The following LCOR variants were observed in gnomAD, a reference collection of about 807,000 sequenced individuals.
LCOR encodes ligand-dependent corepressor.
A neutral mutation model predicts 64.4 loss-of-function variants in LCOR; 14 were observed. The observed-to-expected ratio is 0.22, with a 90% CI of 0.14 to 0.34. The LOEUF is 0.34. LCOR is among the 10% of genes least tolerant of loss of function. LCOR has a pLI of 1.00. For missense variants in LCOR, 1,686 were observed against 1,765.3 expected, an observed-to-expected ratio of 0.96 and a Z score of 0.80; for synonymous variants, 643 against 642.5, an observed-to-expected ratio of 1.00 and a Z score of -0.01.
At chr10:96,860,752 C>T (rs1845875059) in intron 2 of LCOR, among the ~76,000 whole-genome samples, 1 of 152,166 alleles carries the variant, frequency 6.6e-6, no homozygotes, top group Non-Finnish European at 1.5e-5. Context: ...ATTTATGGAA[C>T]TTTACATTTT....
chr10:96,942,630 T>C (rs139281290), intron 4 of LCOR, among the ~76,000 whole-genome samples: 149 of 152,322 alleles, frequency 9.8e-4, no homozygotes, highest in Non-Finnish European at 1.7e-3. Flanking sequence ...TTACAATATA[T>C]AATCCATGCT....
At chr10:96,858,112 A>G (rs1845834345) in intron 2 of LCOR, among the ~76,000 whole-genome samples, 2 of 152,186 alleles carry the variant, frequency 1.3e-5, no homozygotes, top group Non-Finnish European at 2.9e-5. Context: ...TGATTTTTAA[A>G]AGGTTAAGTG....
At chr10:96,892,575 G>A (rs1846464589) in intron 2 of LCOR, among the ~76,000 whole-genome samples, 1 of 151,930 alleles carries the variant, frequency 6.6e-6, no homozygotes, top group Non-Finnish European at 1.5e-5. Flanking sequence ...TTTTATAAGG[G>A]CACTAATCCC....
At chr10:96,842,482 G>T (rs939119102) in intron 2 of LCOR, among the ~76,000 whole-genome samples, 8 of 151,964 alleles carry the variant, frequency 5.3e-5, no homozygotes, top group Non-Finnish European at 8.8e-5. Context: ...TTCCACATGT[G>T]AAAATGTGAA....
chr10:96,909,022 G>T (rs535279363), intron 4 of LCOR, among the ~76,000 whole-genome samples: 1 of 152,206 alleles, frequency 6.6e-6, no homozygotes, highest in African/African-American at 2.4e-5. Flanking sequence ...GCCTTCTTCT[G>T]TCCTATACAC....
intron 2 of LCOR, among the ~76,000 whole-genome samples, chr10:96,844,100 C>T (rs1382841243): frequency 9.7e-6 from 1 of 103,538 alleles, no homozygotes; most frequent in Non-Finnish European, 1.8e-5. Context: ...ACCCTCCCTC[C>T]CTCCCTTCCT....
chr10:96,832,741 C>T (rs1210940133), intron 1 of LCOR, among the ~76,000 whole-genome samples: 1 of 150,680 alleles, frequency 6.6e-6, no homozygotes, highest in Non-Finnish European at 1.5e-5. Flanking sequence ...GGCCCGGCGC[C>T]CCGGCGCCGC....
chr10:96,892,070 G>A (rs1031018299), intron 2 of LCOR, among the ~76,000 whole-genome samples: 2 of 152,124 alleles, frequency 1.3e-5, no homozygotes, highest in South Asian at 2.1e-4. Flanking sequence ...TATTCTGCTC[G>A]TGTTGGTTGG....
chr10:96,914,261 A>G (rs1364497718), intron 4 of LCOR, among the ~76,000 whole-genome samples: 1 of 152,176 alleles, frequency 6.6e-6, no homozygotes, highest in Non-Finnish European at 1.5e-5. Context: ...CAGTGGCGCC[A>G]TCTTGGGTCA....
chr10:96,974,589 T>G (rs1197843023), intron 7 of LCOR, among the ~76,000 whole-genome samples: 1 of 152,214 alleles, frequency 6.6e-6, no homozygotes, highest in African/African-American at 2.4e-5. Context: ...TTAGGCCAAG[T>G]TGAGGAAATG....
chr10:96,988,275 T>A lies in LCOR; in HGVS notation c.*3141T>A, dbSNP rs1471780215. 6.6e-6 allele frequency: 1 copy of A among 152,236 alleles called. No individual in the cohort carries two copies. Among genetic ancestry groups the A allele is most frequent in the Non-Finnish European group, 1.5e-5 (1 of 68,048 alleles). The allele number at this position is 152,236 out of a possible 1,614,324, so 9.4% of individuals were successfully genotyped here. On this transcript the variant is annotated 3_prime_UTR_variant, in exon 8 of 8. Transcript: ENST00000421806. The stretch of plus-strand genomic sequence containing the variant: ...CAGCAGGAAGGTTGTGAACCTTTAT[T>A]CTGCTCCTGAGGCTTCCTTCATAGG...
chr10:96,945,055 T>C (rs562931982), intron 5 of LCOR, among the ~76,000 whole-genome samples: 1 of 152,332 alleles, frequency 6.6e-6, no homozygotes, highest in African/African-American at 2.4e-5. Context: ...TAGTTACACT[T>C]TTCCTCCATT....
At chr10:96,843,548 T>G (rs1260875413) in intron 2 of LCOR, among the ~76,000 whole-genome samples, 1 of 152,228 alleles carries the variant, frequency 6.6e-6, no homozygotes, top group Admixed American at 6.5e-5. Flanking sequence ...CTAGAAAGGA[T>G]GACGTAACTT....
chr10:96,877,721 C>G (rs1846193472), intron 2 of LCOR, among the ~76,000 whole-genome samples: 1 of 148,882 alleles, frequency 6.7e-6, no homozygotes, highest in South Asian at 2.1e-4. Context: ...ACGCCATTCT[C>G]CTGCCTCAGC....
intron 2 of LCOR, among the ~76,000 whole-genome samples, chr10:96,849,354 T>C (rs1375283549): frequency 6.6e-6 from 1 of 152,116 alleles, no homozygotes; most frequent in African/African-American, 2.4e-5. Flanking sequence ...ATTACAGGCG[T>C]GAGCCACTGC....
In LCOR at chr10:96,846,748, C is replaced by A. The variant is rs189465808; in HGVS notation, c.-330+13269C>A. Among the ~76,000 whole-genome samples the A allele has an allele frequency of 7.2e-5, 11 of 152,178 alleles. No homozygotes were observed. The South Asian group carries it at 2.3e-3, about 32-fold the overall frequency. ...AAATAAATAGACATATACTGAGAAA[C>A]CCCCATACATCTACTGAAAACAGTT... is the stretch of plus-strand genomic sequence containing the variant. On this transcript the variant is annotated intron_variant, in intron 2 of 7. Coordinates refer to ENST00000421806, the MANE Select transcript of LCOR (RefSeq NM_001346516.2).
intron 2 of LCOR, among the ~76,000 whole-genome samples, chr10:96,841,003 G>A (rs1207580890): frequency 1.3e-5 from 2 of 152,146 alleles, no homozygotes; most frequent in African/African-American, 4.8e-5. Context: ...CTTTAGCTGT[G>A]TGTGGTTTTG....
chr10:96,854,920 C>T (rs1845777936), intron 2 of LCOR, among the ~76,000 whole-genome samples: 1 of 152,178 alleles, frequency 6.6e-6, no homozygotes, highest in Non-Finnish European at 1.5e-5. Flanking sequence ...TGTGTTTTAT[C>T]ATACCTTTCC....
In LCOR at chr10:96,989,695, A is replaced by ATATTTTTTTTTT. The variant is rs1371771053; in HGVS notation, c.*4562_*4563insATTTTTTTTTTT. The ATATTTTTTTTTT allele has an allele frequency of 2.3e-5, 2 of 86,190 alleles. No individual in the cohort carries two copies. The highest frequency in any genetic ancestry group is 6.2e-5 in the African/African-American group (1 of 16,156). The allele number at this position is 86,190 out of a possible 1,614,324, so 5.3% of individuals were successfully genotyped here. A position where few individuals can be genotyped will look rare whatever the true frequency, so the allele number is the denominator to read the frequency against. Reference sequence around the variant, plus strand: ...TAAGGATATATATATATATATATATATTTTTTTTTTTTTTTTTTTTTTTTA... The same window carrying ATATTTTTTTTTT: ...TAAGGATATATATATATATATATATATATTTTTTTTTTTTTTTTTTTTTTTTTTTTTTTTTTA... On this transcript the variant is annotated 3_prime_UTR_variant, in exon 8 of 8. Coordinates refer to ENST00000421806, the MANE Select transcript of LCOR (RefSeq NM_001346516.2).
Sources: gnomAD v4.1 joint callset for allele counts (sites outside exome capture counted in the v4.1 genomes callset) on GRCh38, gnomAD v4.1.1 for gene constraint, MANE v1.5 for transcripts, NCBI Gene and HGNC (gene_info 2026-07-23, HGNC 2026-07-21) for gene names.